NUP210: variants seen among roughly 807,000 people sequenced by gnomAD.
NUP210 encodes nuclear pore membrane glycoprotein 210.
Under a neutral mutation model 196.0 loss-of-function variants are expected in NUP210, and 151 were observed. The ratio of observed to expected loss-of-function variants is 0.77; its 90% CI spans 0.67 to 0.88. The LOEUF (loss-of-function observed/expected upper bound fraction) is 0.88. Among genes scored for constraint, NUP210 ranks in the 40% least tolerant of loss-of-function variants. The pLI, the probability that NUP210 is intolerant of heterozygous loss-of-function variation, is 0.00. For synonymous variants in NUP210, 1,070 were observed against 1,052.7 expected, an observed-to-expected ratio of 1.02 and a Z score of -0.32; for missense variants, 2,314 against 2,493.7, an observed-to-expected ratio of 0.93 and a Z score of 1.53.
rs1258802877 is a variant in NUP210 at position 13,318,455 on chromosome 3, C to A, written c.5563+617G>T. 2.6e-5 allele frequency among the ~76,000 whole-genome samples: 4 copies of A among 152,154 alleles called. No homozygotes were observed. The East Asian group carries it at 7.7e-4, about 29-fold the overall frequency. On this transcript the variant is annotated intron_variant, in intron 39 of 39. Transcript: ENST00000254508. ...ACCCCCCTGAAGCCGGTCCATGGGCCCCCATGTCAGCAGACACGAGCTCGA... is the reference window on the plus strand; with the variant it reads ...ACCCCCCTGAAGCCGGTCCATGGGCACCCATGTCAGCAGACACGAGCTCGA...
At chr3:13,417,871 TCCA>T (rs1381182602) in intron 1 of NUP210, among the ~76,000 whole-genome samples, 1 of 152,098 alleles carries the variant, frequency 6.6e-6, no homozygotes, top group Non-Finnish European at 1.5e-5. Flanking sequence ...TAAATTAAAA[TCCA>T]CCAACACCCT....
chr3:13,373,965 T>TGTC, intron 11 of NUP210, 92 bp from the exon 12 acceptor site: 2 of 1,405,250 alleles, frequency 1.4e-6, no homozygotes, highest in African/African-American at 1.4e-5. Context: ...TGCATGCACG[T>TGTC]ACTCACACTC....
intron 30 of NUP210, among the ~76,000 whole-genome samples, chr3:13,329,701 G>A (rs1193425853): frequency 6.6e-6 from 1 of 152,238 alleles, no homozygotes; most frequent in East Asian, 1.9e-4. Context: ...TTAAGTGAGT[G>A]TGTGTCTTCT....
Position 13,355,274 on chromosome 3 carries a change from T to G in NUP210, c.2329-1167A>C, listed in dbSNP as rs74854851. On this transcript the variant is annotated intron_variant, in intron 16 of 39. Transcript: ENST00000254508. ...AGGAAGAACTACCCTTCTCTCATCC[T>G]CTGGTTAGAAGTGACTGAGGCACTT... Among the ~76,000 whole-genome samples, 499 of 152,328 alleles carry G rather than the reference T, an allele frequency of 3.3e-3. 9 individuals carry two copies. Among genetic ancestry groups the G allele is most frequent in the South Asian group, 0.018 (89 of 4,828 alleles).
Position 13,376,153 on chromosome 3 carries a change from G to A in NUP210, c.1293+138C>T. The stretch of plus-strand genomic sequence containing the variant: ...AAAGACTAAGGAAAATAGAACCCAG[G>A]ATGCAAGTAGCCCAAACAGGAAAAG... On this transcript the variant is annotated intron_variant, in intron 10 of 39. Coordinates refer to ENST00000254508, the MANE Select transcript of NUP210 (RefSeq NM_024923.4). 2 of 794,576 alleles carry A rather than the reference G, an allele frequency of 2.5e-6. 1 individual carries two copies. Among genetic ancestry groups the A allele is most frequent in the Middle Eastern group, 7.6e-4 (2 of 2,630 alleles). 49.2% of individuals were successfully genotyped at this position (794,576 alleles called of 1,614,324 possible).
At chr3:13,412,877 AGGAGAATGGCGTGAACCCAGGAGGCG>A (rs1261444755) in intron 1 of NUP210, among the ~76,000 whole-genome samples, 2 of 151,882 alleles carry the variant, frequency 1.3e-5, no homozygotes, top group Admixed American at 1.3e-4. Flanking sequence ...AGGCTGAGGC[AGGAGAATGGCGTGAACCCAGGAGGCG>A]GAGCTTGCAG....
Position 13,348,040 on chromosome 3 carries a change from G to T in NUP210, c.2835+3839C>A, listed in dbSNP as rs1182276029. Reference sequence around the variant, plus strand: ...ATAGGGGAGACTCGTCCCGGGTCCTGCCTGCAATGGGCACTCTGTGCCACT... The same window carrying T: ...ATAGGGGAGACTCGTCCCGGGTCCTTCCTGCAATGGGCACTCTGTGCCACT... On this transcript the variant is annotated intron_variant, in intron 20 of 39. Coordinates refer to ENST00000254508, the MANE Select transcript of NUP210 (RefSeq NM_024923.4). The surrounding 1 kb of genome is among the most constrained non-coding windows in gnomAD (Gnocchi z 4.0). Among the ~76,000 whole-genome samples, 2 of 152,356 alleles carry T rather than the reference G, an allele frequency of 1.3e-5. No homozygotes were observed. Among genetic ancestry groups the T allele is most frequent in the East Asian group, 3.9e-4 (2 of 5,186 alleles).
intron 20 of NUP210, among the ~76,000 whole-genome samples, chr3:13,344,262 G>A (rs868382201): frequency 1.3e-5 from 2 of 152,204 alleles, no homozygotes; most frequent in Admixed American, 6.5e-5. Context: ...TGCAGAAGAT[G>A]GGCATTCACA....
At chr3:13,370,069 G>C (rs942639876) in intron 13 of NUP210, among the ~76,000 whole-genome samples, 4 of 152,182 alleles carry the variant, frequency 2.6e-5, no homozygotes, top group African/African-American at 7.2e-5. Flanking sequence ...GTATTATAGG[G>C]ACAGGTCAAC....
chr3:13,388,105 C>T (rs1699345995), intron 5 of NUP210, among the ~76,000 whole-genome samples, 198 bp downstream of exon 5: 1 of 152,162 alleles, frequency 6.6e-6, no homozygotes, highest in Non-Finnish European at 1.5e-5. Flanking sequence ...GGGGCCTCAA[C>T]CACCTTTCTT....
intron 12 of NUP210, 43 bp downstream of exon 12, chr3:13,373,675 C>A: frequency 2.5e-6 from 4 of 1,605,146 alleles, no homozygotes; most frequent in Non-Finnish European, 3.4e-6. Context: ...CTGGAGACCA[C>A]CATCCGAGCC....
intron 1 of NUP210, among the ~76,000 whole-genome samples, chr3:13,416,115 T>C (rs1700340950): frequency 6.6e-6 from 1 of 152,118 alleles, no homozygotes; most frequent in Admixed American, 6.5e-5. Context: ...CATCTACCTG[T>C]TTGAGAATCC....
Position 13,319,782 on chromosome 3 carries a change from A to G in NUP210, c.5364T>C (p.Asp1788=). The change falls in exon 37 of 40, where the codon GAT becomes GAC. Residue 1788 remains aspartate (D), a synonymous_variant. Transcript: ENST00000254508. ...AIPVTVAFVV[D]RRGPGPYGAS... is the part of the protein sequence containing the mutation. ...ACTCACAAGGACCGGGCCCACGGCG[A>G]TCCACCACAAAAGCCACTGTCACTG... The G allele has an allele frequency of 6.2e-7, 1 of 1,614,168 alleles. No individual in the cohort carries two copies.
intron 31 of NUP210, among the ~76,000 whole-genome samples, chr3:13,328,557 T>C (rs1435364804): frequency 6.6e-6 from 1 of 152,240 alleles, no homozygotes; most frequent in Non-Finnish European, 1.5e-5. Flanking sequence ...TGGGGGCTGA[T>C]GCCTGTCTGT....
At chr3:13,396,489 T>C (rs531981294) in intron 3 of NUP210, among the ~76,000 whole-genome samples, 1 of 151,692 alleles carries the variant, frequency 6.6e-6, no homozygotes, top group African/African-American at 2.4e-5. Flanking sequence ...GGCTCATGTG[T>C]GTAATCCCAG....
intron 14 of NUP210, among the ~76,000 whole-genome samples, chr3:13,361,260 C>A (rs1010740074): frequency 6.6e-6 from 1 of 152,220 alleles, no homozygotes; most frequent in Non-Finnish European, 1.5e-5. Context: ...GGGTGCTCAG[C>A]AATTCTTTGT....
At chr3:13,330,683 T>C in intron 29 of NUP210, 49 bp from the exon 30 acceptor site, 1 of 1,542,736 alleles carries the variant, frequency 6.5e-7, no homozygotes, top group Non-Finnish European at 8.9e-7. Context: ...GCAGTGGGAG[T>C]GGGCCTGGAT....
intron 13 of NUP210, 35 bp from the exon 14 acceptor site, chr3:13,366,126 A>G: frequency 6.3e-7 from 1 of 1,597,316 alleles, no homozygotes; most frequent in Non-Finnish European, 8.6e-7. Flanking sequence ...GTCACCCTGA[A>G]ATCACTTTTT....
chr3:13,345,057 T>G, intron 20 of NUP210: 1 of 985,386 alleles, frequency 1.0e-6, no homozygotes, highest in Non-Finnish European at 1.2e-6. Flanking sequence ...TCACATGCCC[T>G]CGGGACTCAG....
Sources: allele counts gnomAD v4.1 joint callset (sites outside exome capture counted in the v4.1 genomes callset), GRCh38; gene constraint gnomAD v4.1.1; non-coding constraint Gnocchi (gnomAD v3.1); transcripts MANE v1.5; gene names NCBI Gene and HGNC (gene_info 2026-07-23, HGNC 2026-07-21).